The following NF1 variants were observed in gnomAD, a reference collection of about 807,000 sequenced individuals.
NF1 encodes neurofibromin 1.
NF1 carries 122 observed loss-of-function variants against 325.7 expected under a neutral mutation model. The ratio of observed to expected loss-of-function variants is 0.37; its 90% confidence interval spans 0.32 to 0.44. The LOEUF is 0.44. Among genes scored for constraint, NF1 ranks in the 20% least tolerant of loss-of-function variants. NF1 has a pLI of 1.00. For missense variants in NF1, 2,140 were observed against 3,415.4 expected (o/e 0.63, Z 9.31); for synonymous variants, 1,091 against 1,186.0 (o/e 0.92, Z 1.65).
Position 31,265,291 on chromosome 17 carries a change from C to G in NF1, c.4787C>G (p.Ala1596Gly), listed in dbSNP as rs1567865042. 6.2e-7 allele frequency: 1 copy of G among 1,613,382 alleles called. No homozygotes were observed. The highest frequency in any genetic ancestry group is 8.5e-7 in the Non-Finnish European group (1 of 1,179,556). Residue 1596 changes from alanine (A) to glycine (G), a missense_variant, in exon 36 of 58, where the codon GCT becomes GGT. Physicochemically the swap from Ala to Gly is moderately conservative, Grantham distance 60 (BLOSUM62 0). This residue lies in a region of NF1 where 103 missense variants were observed against 214.6 expected (regional missense o/e 0.48). Coordinates refer to ENST00000358273, the MANE Select transcript of NF1 (RefSeq NM_001042492.3). ...AAAACGTTAAGTATTTTCTACCAAG[C>G]TGGGACTTCCAAAGCTGGGAATCCT... Reference protein sequence around the residue: ...ALKTLSIFYQAGTSKAGNPIF... With the variant: ...ALKTLSIFYQGGTSKAGNPIF...
chr17:31,299,869 T>A (rs938552992), intron 36 of NF1, among the ~76,000 whole-genome samples: 14 of 117,858 alleles, frequency 1.2e-4, no homozygotes, highest in Non-Finnish European at 4.9e-5. Context: ...TCTCTCATCT[T>A]GGAGTTTTCT....
chr17:31,166,491 T>A (rs1170211359), intron 4 of NF1, among the ~76,000 whole-genome samples: 3 of 152,178 alleles, frequency 2.0e-5, no homozygotes, highest in Non-Finnish European at 4.4e-5. Flanking sequence ...AGTGATGGTT[T>A]TGCATTTGCA....
chr17:31,219,310 C>T (rs566886687), intron 14 of NF1, 192 bp downstream of exon 14: 8 of 445,938 alleles, frequency 1.8e-5, no homozygotes, highest in African/African-American at 5.9e-5. Flanking sequence ...TATCACATAG[C>T]AATAACATTG....
intron 12 of NF1, among the ~76,000 whole-genome samples, chr17:31,208,773 T>G (rs2066668993): frequency 6.6e-6 from 1 of 151,734 alleles, no homozygotes; most frequent in African/African-American, 2.4e-5. Context: ...TCCCTGTAAT[T>G]CCAGCTACTC....
At chr17:31,239,504 G>C (rs1377275205) in intron 29 of NF1, among the ~76,000 whole-genome samples, 2 of 144,858 alleles carry the variant, frequency 1.4e-5, no homozygotes, top group Non-Finnish European at 3.0e-5. Flanking sequence ...AATTATCTGA[G>C]CTCTCACCTT....
chr17:31,212,230 A>G (rs566282687), intron 12 of NF1, among the ~76,000 whole-genome samples: 3 of 152,290 alleles, frequency 2.0e-5, no homozygotes, highest in South Asian at 2.1e-4. Flanking sequence ...AAGATCATCA[A>G]TCAGTGTTAC....
At chr17:31,194,726 A>G (rs1428884664) in intron 8 of NF1, among the ~76,000 whole-genome samples, 1 of 152,210 alleles carries the variant, frequency 6.6e-6, no homozygotes, top group Non-Finnish European at 1.5e-5. Context: ...GTATCCAGTC[A>G]GATAGTTTCT....
chr17:31,181,706 A>G lies in NF1; in HGVS notation c.655-4A>G, dbSNP rs1407384560. 1.9e-6 allele frequency: 3 copies of G among 1,601,582 alleles called. No individual in the cohort carries two copies. Among genetic ancestry groups the G allele is most frequent in the East Asian group, 2.2e-5 (1 of 44,728 alleles). ...TGTAAAGACATGTGGTTCTTTATTTATAGGCATTTTGGAACTGGGTAGAAA... is the reference window on the plus strand; with the variant it reads ...TGTAAAGACATGTGGTTCTTTATTTGTAGGCATTTTGGAACTGGGTAGAAA... On this transcript the variant is annotated splice_region_variant and splice_polypyrimidine_tract_variant and intron_variant, in intron 6 of 57. Coordinates refer to ENST00000358273, the MANE Select transcript of NF1 (RefSeq NM_001042492.3).
intron 36 of NF1, among the ~76,000 whole-genome samples, chr17:31,292,894 C>A (rs963035098): frequency 2.8e-4 from 42 of 152,036 alleles, no homozygotes; most frequent in Non-Finnish European, 7.4e-5. Flanking sequence ...TACCTACTTT[C>A]AGGGCAGGCG....
chr17:31,218,965 A>T (rs529814688), intron 13 of NF1, 40 bp from the exon 14 acceptor site: 2 of 1,491,136 alleles, frequency 1.3e-6, no homozygotes, highest in African/African-American at 3.0e-5. Context: ...CTCTCGATTT[A>T]TTTATTTTTT....
rs1555536127 is a variant in NF1, at chr17:31,350,222, G to A, written c.7361G>A (p.Ser2454Asn). 6.2e-7 allele frequency: 1 copy of A among 1,613,922 alleles called. No individual in the cohort carries two copies. Among genetic ancestry groups the A allele is most frequent in the Non-Finnish European group, 8.5e-7 (1 of 1,179,860 alleles). The change falls in exon 50 of 58, where the codon AGC becomes AAC. Residue 2454 changes from serine to asparagine, a missense_variant. Physicochemically the swap from Ser to Asn is conservative, Grantham distance 46. Transcript: ENST00000358273. Reference sequence around the variant, plus strand: ...TCTGAAGAAGTTCGAAGTCGCTGCAGCCTAAAACATAGAAAGTCACTTCTT... The same window carrying A: ...TCTGAAGAAGTTCGAAGTCGCTGCAACCTAAAACATAGAAAGTCACTTCTT... ...TVSEEVRSRC[S>N]LKHRKSLLLT... is the part of the protein sequence containing the mutation.
intron 43 of NF1, 81 bp downstream of exon 43, chr17:31,337,663 T>C: frequency 6.9e-7 from 1 of 1,445,094 alleles, no homozygotes; most frequent in South Asian, 1.2e-5. Flanking sequence ...GAAATATTGG[T>C]TTATTGTGCT....
chr17:31,265,904 CT>C (rs1391333418), intron 36 of NF1, among the ~76,000 whole-genome samples: 3 of 152,142 alleles, frequency 2.0e-5, no homozygotes, highest in African/African-American at 7.2e-5. Flanking sequence ...GTTGTGAGCT[CT>C]TCCTTAATAA....
intron 1 of NF1, among the ~76,000 whole-genome samples, chr17:31,126,857 A>G (rs779229818): frequency 6.6e-6 from 1 of 152,272 alleles, no homozygotes; most frequent in East Asian, 1.9e-4. Context: ...TCAGTCTTCT[A>G]TGATTTATGT....
intron 34 of NF1, 69 bp downstream of exon 34, chr17:31,260,584 C>T (rs2151465067): frequency 1.3e-6 from 2 of 1,534,810 alleles, no homozygotes; most frequent in Non-Finnish European, 1.8e-6. Flanking sequence ...AATTATTGGT[C>T]ATGAATAGTG....
At chr17:31,363,823 C>A (rs562901592) in intron 57 of NF1, among the ~76,000 whole-genome samples, 1 of 151,826 alleles carries the variant, frequency 6.6e-6, no homozygotes, top group South Asian at 2.1e-4. Flanking sequence ...TCACTGCAAC[C>A]TCTGCCTCCT....
chr17:31,292,581 A>G (rs1197506128), intron 36 of NF1, among the ~76,000 whole-genome samples: 4 of 152,240 alleles, frequency 2.6e-5, no homozygotes, highest in African/African-American at 4.8e-5. Context: ...TGTGCTTTCA[A>G]TCTATGTATA....
At chr17:31,337,792 A>G (rs2151557245) in intron 43 of NF1, 27 bp from the exon 44 acceptor site, 2 of 1,608,280 alleles carry the variant, frequency 1.2e-6, no homozygotes, top group Non-Finnish European at 8.5e-7. Context: ...TATGTACAAT[A>G]TGTATTCAGA....
intron 27 of NF1, 151 bp from the exon 28 acceptor site, chr17:31,235,460 A>T: frequency 1.3e-6 from 1 of 793,762 alleles, no homozygotes; most frequent in Non-Finnish European, 2.2e-6. Flanking sequence ...GTACACTGTT[A>T]AATCTCAGGA....
Sources: allele counts gnomAD v4.1 joint callset (sites outside exome capture counted in the v4.1 genomes callset), GRCh38; gene constraint gnomAD v4.1.1; regional missense constraint gnomAD v4.1.1; transcripts MANE v1.5; gene names NCBI Gene and HGNC (gene_info 2026-07-23, HGNC 2026-07-21).